Variants in RGS7BP observed in about 807,000 individuals in gnomAD.
RGS7BP encodes regulator of G protein signaling 7-binding protein.
RGS7BP carries 9 observed loss-of-function variants against 31.3 expected under a neutral mutation model. The observed-to-expected ratio is 0.29, with a 90% CI of 0.17 to 0.50. RGS7BP has a LOEUF of 0.50. Among genes scored for constraint, RGS7BP ranks in the 20% least tolerant of loss-of-function variants. RGS7BP has a pLI of 0.98. For synonymous variants in RGS7BP, 115 were observed against 120.1 expected (o/e 0.96, Z 0.28); for missense variants, 274 against 322.0 (o/e 0.85, Z 1.14).
chr5:64,538,305 A>G (rs149058869), intron 2 of RGS7BP, among the ~76,000 whole-genome samples: 1 of 152,182 alleles, frequency 6.6e-6, no homozygotes, highest in East Asian at 1.9e-4. Flanking sequence ...ATCAAGATAC[A>G]GAAGAGTTCC....
intron 2 of RGS7BP, among the ~76,000 whole-genome samples, chr5:64,545,769 T>C (rs1741644162): frequency 6.6e-6 from 1 of 152,208 alleles, no homozygotes; most frequent in Non-Finnish European, 1.5e-5. Flanking sequence ...GGGAATGCGA[T>C]TCATTGAGCT....
intron 2 of RGS7BP, among the ~76,000 whole-genome samples, chr5:64,533,725 A>T (rs569164728): frequency 5.9e-5 from 9 of 152,244 alleles, no homozygotes; most frequent in African/African-American, 2.2e-4. Context: ...GCCTCTTTGT[A>T]TTTTGATACA....
intron 4 of RGS7BP, among the ~76,000 whole-genome samples, chr5:64,595,288 C>G (rs1743034965): frequency 6.6e-6 from 1 of 152,094 alleles, no homozygotes; most frequent in Non-Finnish European, 1.5e-5. Context: ...CCAGTAAAGT[C>G]TCGGGTTTCA....
At chr5:64,548,069 T>C (rs1178836485) in intron 2 of RGS7BP, among the ~76,000 whole-genome samples, 1 of 152,146 alleles carries the variant, frequency 6.6e-6, no homozygotes, top group Non-Finnish European at 1.5e-5. Context: ...TCATATAACA[T>C]TATCCATAAT....
At chr5:64,559,296 GA>G (rs1258358317) in intron 2 of RGS7BP, among the ~76,000 whole-genome samples, 2 of 152,108 alleles carry the variant, frequency 1.3e-5, no homozygotes, top group Non-Finnish European at 2.9e-5. Flanking sequence ...ATGGAAAATA[GA>G]AAAGAACCTA....
intron 3 of RGS7BP, among the ~76,000 whole-genome samples, chr5:64,593,951 A>G (rs1213216597): frequency 6.6e-6 from 1 of 152,186 alleles, no homozygotes; most frequent in Non-Finnish European, 1.5e-5. Flanking sequence ...ATAACCTCCC[A>G]CTTAATTTCA....
intron 5 of RGS7BP, chr5:64,601,339 A>G: frequency 2.1e-6 from 1 of 476,674 alleles, no homozygotes. Flanking sequence ...CGTCAACTCC[A>G]AAACTGTTCC....
intron 2 of RGS7BP, among the ~76,000 whole-genome samples, chr5:64,554,014 G>T (rs1741860935): frequency 6.6e-6 from 1 of 152,118 alleles, no homozygotes; most frequent in African/African-American, 2.4e-5. Context: ...TTAGAACTGA[G>T]ATATACACAT....
At chr5:64,555,738 G>T (rs771520120) in intron 2 of RGS7BP, among the ~76,000 whole-genome samples, 3 of 152,076 alleles carry the variant, frequency 2.0e-5, no homozygotes, top group Non-Finnish European at 4.4e-5. Flanking sequence ...GGTAAAACAA[G>T]AAATTGAATT....
At chr5:64,591,217 T>C (rs776289411) in intron 3 of RGS7BP, among the ~76,000 whole-genome samples, 5 of 152,056 alleles carry the variant, frequency 3.3e-5, no homozygotes, top group African/African-American at 1.2e-4. Flanking sequence ...ATTGTTTAAA[T>C]GGGCAAATTA....
At chr5:64,534,433 T>C (rs1749454053) in intron 2 of RGS7BP, among the ~76,000 whole-genome samples, 1 of 152,208 alleles carries the variant, frequency 6.6e-6, no homozygotes, top group South Asian at 2.1e-4. Flanking sequence ...TACAGGGCAA[T>C]AGAGGAATTC....
At chr5:64,604,986 G>A (rs62372273) in intron 5 of RGS7BP, among the ~76,000 whole-genome samples, 25,285 of 151,876 alleles carry the variant, frequency 0.17, 2,618 homozygotes, top group African/African-American at 0.3. Flanking sequence ...TCTGGGCAAC[G>A]TAATGAAACC....
chr5:64,518,859 G>GT (rs1749038450), intron 2 of RGS7BP, among the ~76,000 whole-genome samples: 1 of 152,066 alleles, frequency 6.6e-6, no homozygotes, highest in Non-Finnish European at 1.5e-5. Flanking sequence ...TCCAGAAATT[G>GT]TATCTATGTT....
intron 2 of RGS7BP, among the ~76,000 whole-genome samples, chr5:64,559,129 T>C (rs747789857): frequency 2.0e-5 from 3 of 152,092 alleles, no homozygotes; most frequent in Non-Finnish European, 2.9e-5. Context: ...ATTCATACAC[T>C]CCCTCCCCTT....
At position 64,599,546 on chromosome 5, in the gene RGS7BP, A is replaced by G. The variant is rs191428218; in HGVS notation, c.682+1111A>G. ...CCTGAGCTACACAGGGGTGGAGGTC[A>G]GAAAATAAGAAGCAGGGGCCACAGC... On this transcript the variant is annotated intron_variant, in intron 5 of 5. Transcript: ENST00000334025. 7.2e-5 allele frequency among the ~76,000 whole-genome samples: 11 copies of G among 152,314 alleles called. No individual in the cohort carries two copies. The East Asian group carries it at 1.7e-3, about 24-fold the overall frequency.
chr5:64,596,415 G>C (rs575995336), intron 4 of RGS7BP, among the ~76,000 whole-genome samples: 7 of 152,316 alleles, frequency 4.6e-5, no homozygotes, highest in African/African-American at 1.4e-4. Flanking sequence ...TAAGCCAACT[G>C]AATCAGGCTC....
Position 64,588,639 on chromosome 5 carries a change from A to G in RGS7BP, c.464-6071A>G, listed in dbSNP as rs373263789. On this transcript the variant is annotated intron_variant, in intron 3 of 5. Transcript: ENST00000334025. ...GAGAAATCTCATGTCTTCTTCCAGT[A>G]TCCATGAAACTACAATAGGCTAATT... 2.5e-3 allele frequency among the ~76,000 whole-genome samples: 387 copies of G among 152,340 alleles called. 2 individuals carry two copies. Among genetic ancestry groups the G allele is most frequent in the Non-Finnish European group, 3.5e-3 (238 of 68,036 alleles).
intron 5 of RGS7BP, chr5:64,601,508 A>C (rs1460422044): frequency 2.4e-6 from 2 of 827,802 alleles, no homozygotes; most frequent in East Asian, 1.2e-4. Context: ...TTATGCCTTC[A>C]TTTTCAGCCT....
At chr5:64,508,009 G>C (rs940404243) in intron 2 of RGS7BP, 132 bp downstream of exon 2, 2 of 744,780 alleles carry the variant, frequency 2.7e-6, no homozygotes, top group African/African-American at 3.6e-5. Context: ...AAATTCTCTA[G>C]AGAGCTATAC....
Sources: allele counts gnomAD v4.1 joint callset (sites outside exome capture counted in the v4.1 genomes callset), GRCh38; gene constraint gnomAD v4.1.1; transcripts MANE v1.5; gene names NCBI Gene and HGNC (gene_info 2026-07-23, HGNC 2026-07-21).